The following STPG4 variants were observed in gnomAD, a reference collection of about 807,000 sequenced individuals.
STPG4 encodes sperm-tail PG-rich repeat containing 4, also known as protein STPG4.
A neutral mutation model predicts 31.5 loss-of-function variants in STPG4; 41 were observed. The ratio of observed to expected loss-of-function variants is 1.30; its 90% CI spans 1.01 to 1.69. The LOEUF (loss-of-function observed/expected upper bound fraction) is 1.69. Among genes scored for constraint, STPG4 ranks in the 40% most tolerant of loss-of-function variants. STPG4 has a pLI of 0.00. For synonymous variants in STPG4, 141 were observed against 103.0 expected (o/e 1.37, Z -2.24); for missense variants, 375 against 293.4 (o/e 1.28, Z -2.03).
At chr2:47,138,067 T>C (rs1243464570) in intron 3 of STPG4, among the ~76,000 whole-genome samples, 1 of 152,148 alleles carries the variant, frequency 6.6e-6, no homozygotes, top group Non-Finnish European at 1.5e-5. Flanking sequence ...CAGACTTACA[T>C]GATTAATTTT....
intron 5 of STPG4, among the ~76,000 whole-genome samples, chr2:47,094,867 G>A (rs1685638843): frequency 6.6e-6 from 1 of 152,216 alleles, no homozygotes; most frequent in South Asian, 2.1e-4. Context: ...GGGTCATAAT[G>A]CTGTATAACA....
intron 5 of STPG4, among the ~76,000 whole-genome samples, chr2:47,119,873 G>A (rs552421124): frequency 6.6e-6 from 1 of 152,316 alleles, no homozygotes; most frequent in African/African-American, 2.4e-5. Flanking sequence ...TAAATGTGGG[G>A]AAAGCAGACA....
At chr2:47,093,778 C>A (rs1204842503) in intron 5 of STPG4, among the ~76,000 whole-genome samples, 2 of 152,334 alleles carry the variant, frequency 1.3e-5, no homozygotes, top group African/African-American at 2.4e-5. Context: ...CCACATGTGG[C>A]AGATGGGATC....
At chr2:47,097,199 A>C (rs1685691143) in intron 5 of STPG4, among the ~76,000 whole-genome samples, 1 of 152,200 alleles carries the variant, frequency 6.6e-6, no homozygotes, top group African/African-American at 2.4e-5. Flanking sequence ...AGATCATGTA[A>C]ACTCATGAGG....
intron 3 of STPG4, among the ~76,000 whole-genome samples, chr2:47,130,512 C>G (rs754287791): frequency 2.0e-5 from 3 of 152,216 alleles, no homozygotes; most frequent in African/African-American, 7.2e-5. Flanking sequence ...AAATTGATCA[C>G]AGTTTTTCTT....
intron 2 of STPG4, 76 bp downstream of exon 2, chr2:47,152,881 C>T (rs1686964903): frequency 1.8e-6 from 2 of 1,085,632 alleles, no homozygotes; most frequent in Non-Finnish European, 2.6e-6. Flanking sequence ...TAGTGTTAGT[C>T]TTAAAAGCTA....
intron 5 of STPG4, among the ~76,000 whole-genome samples, chr2:47,115,077 T>C (rs1279351333): frequency 6.6e-6 from 1 of 152,128 alleles, no homozygotes; most frequent in Non-Finnish European, 1.5e-5. Context: ...CTATTTCTTT[T>C]CTTCTACAGC....
At chr2:47,118,127 C>G (rs912877621) in intron 5 of STPG4, among the ~76,000 whole-genome samples, 1 of 152,036 alleles carries the variant, frequency 6.6e-6, no homozygotes, top group Non-Finnish European at 1.5e-5. Context: ...GGTCCCCAAC[C>G]CCCAGGCTTC....
intron 6 of STPG4, among the ~76,000 whole-genome samples, chr2:47,087,986 C>A (rs1246707544): frequency 2.0e-5 from 3 of 152,070 alleles, no homozygotes; most frequent in Non-Finnish European, 2.9e-5. Flanking sequence ...ATCTCCTGAT[C>A]TCGTGATCCG....
intron 5 of STPG4, among the ~76,000 whole-genome samples, chr2:47,120,286 G>A (rs531812990): frequency 2.0e-5 from 3 of 151,846 alleles, no homozygotes; most frequent in Admixed American, 1.3e-4. Context: ...AGCCGAGATT[G>A]TGCCGCTGCA....
At chr2:47,147,072 G>A (rs992257403) in intron 3 of STPG4, among the ~76,000 whole-genome samples, 2 of 152,128 alleles carry the variant, frequency 1.3e-5, no homozygotes, top group South Asian at 2.1e-4. Flanking sequence ...CTGGGGAATC[G>A]AGGCTGCAGT....
intron 5 of STPG4, among the ~76,000 whole-genome samples, chr2:47,096,620 G>T (rs994870581): frequency 2.6e-5 from 4 of 152,146 alleles, no homozygotes; most frequent in African/African-American, 9.7e-5. Flanking sequence ...AATGTCCCAG[G>T]GGGTTAGGGA....
intron 6 of STPG4, among the ~76,000 whole-genome samples, chr2:47,088,734 G>A (rs1302891287): frequency 6.6e-6 from 1 of 152,200 alleles, no homozygotes; most frequent in East Asian, 1.9e-4. Flanking sequence ...CATGAGATCA[G>A]CTGCCTGCAG....
At chr2:47,122,142 T>C (rs914002518) in intron 5 of STPG4, among the ~76,000 whole-genome samples, 6 of 152,240 alleles carry the variant, frequency 3.9e-5, no homozygotes, top group African/African-American at 1.4e-4. Flanking sequence ...AATCTGAATT[T>C]ATTTATGAAT....
intron 5 of STPG4, among the ~76,000 whole-genome samples, chr2:47,107,187 G>A (rs2103748483): frequency 6.6e-6 from 1 of 152,196 alleles, no homozygotes; most frequent in Middle Eastern, 3.4e-3. Flanking sequence ...CGGCACTTAA[G>A]GAGCCCTTCA....
chr2:47,088,974 C>T (rs982106318), intron 6 of STPG4, among the ~76,000 whole-genome samples: 2 of 152,190 alleles, frequency 1.3e-5, no homozygotes, highest in Admixed American at 1.3e-4. Context: ...GGGGTTCAGC[C>T]ACCTTGAGAA....
intron 3 of STPG4, among the ~76,000 whole-genome samples, chr2:47,144,560 AAATGATGTGT>A (rs747969155): frequency 3.5e-4 from 53 of 152,158 alleles, no homozygotes; most frequent in Non-Finnish European, 8.8e-5. Context: ...ACACAAAAAT[AAATGATGTGT>A]AAAGAATACA....
chr2:47,139,376 T>C (rs748528319), intron 3 of STPG4, among the ~76,000 whole-genome samples: 11 of 151,290 alleles, frequency 7.3e-5, no homozygotes, highest in Non-Finnish European at 1.6e-4. Context: ...ATGTCTGCTC[T>C]GTTTGAAACT....
In STPG4 at chr2:47,090,246, C is replaced by T. The variant is rs770701353; in HGVS notation, c.624+24G>A. 8.4e-5 allele frequency: 126 copies of T among 1,493,660 alleles called. 1 individual carries two copies. Among genetic ancestry groups the T allele is most frequent in the Middle Eastern group, 5.1e-4 (3 of 5,900 alleles). The allele number at this position is 1,493,660 out of a possible 1,614,324, so 92.5% of individuals were successfully genotyped here. On this transcript the variant is annotated intron_variant, in intron 6 of 6. Coordinates refer to ENST00000445927, the MANE Select transcript of STPG4 (RefSeq NM_001163561.2). ...TAACCATACCCCTAGGGGTGGGGGG[C>T]GATCTGTCTTTCCGAATACTTACTG...
Sources: allele counts gnomAD v4.1 joint callset (sites outside exome capture counted in the v4.1 genomes callset), GRCh38; gene constraint gnomAD v4.1.1; transcripts MANE v1.5; gene names NCBI Gene and HGNC (gene_info 2026-07-23, HGNC 2026-07-21).